The following GLT1D1 variants were observed in gnomAD, a reference collection of about 807,000 sequenced individuals.
GLT1D1 encodes the protein glycosyltransferase 1 domain containing 1.
Under a neutral mutation model 28.7 loss-of-function variants are expected in GLT1D1, and 21 were observed. The observed-to-expected ratio is 0.73, with a 90% CI of 0.52 to 1.05. The LOEUF (loss-of-function observed/expected upper bound fraction) is 1.05. Ranked by LOEUF, GLT1D1 falls within the 50% of genes least tolerant of loss-of-function variation. The pLI is 0.00. For synonymous variants in GLT1D1, 147 were observed against 124.8 expected (o/e 1.18, Z -1.19); for missense variants, 343 against 330.6 (o/e 1.04, Z -0.29).
chr12:128,952,414 G>A (rs1482689782), intron 6 of GLT1D1, among the ~76,000 whole-genome samples: 4 of 133,192 alleles, frequency 3.0e-5, no homozygotes, highest in African/African-American at 1.2e-4. Context: ...AGGTCCCTGG[G>A]CAGGGGTGTA....
intron 4 of GLT1D1, among the ~76,000 whole-genome samples, chr12:128,901,483 C>T (rs1183512649): frequency 6.7e-6 from 1 of 148,974 alleles, no homozygotes; most frequent in Non-Finnish European, 1.5e-5. Context: ...GTCGCCCAGG[C>T]TGGAGTGCAG....
chr12:128,879,378 T>TTTTCTTTCTTTCTTTCTTTCTTTCTCTC, intron 2 of GLT1D1, among the ~76,000 whole-genome samples: 1 of 69,896 alleles, frequency 1.4e-5, no homozygotes, highest in Admixed American at 1.5e-4. Context: ...ATTTTTTTCT[T>TTTTCTTTCTTTCTTTCTTTCTTTCTCTC]TTTCTTTCTT....
rs968998025 is a variant in GLT1D1, at chr12:128,961,474, T to C, written c.639+3831T>C. ...GGTACATATGGCCAGTGGAGTACTA[T>C]TCAGCCATAAAAAAGAAGGAGTCAT... On this transcript the variant is annotated intron_variant, in intron 7 of 7. Coordinates refer to ENST00000281703, the MANE Select transcript of GLT1D1 (RefSeq NM_144669.3). 7.9e-5 allele frequency among the ~76,000 whole-genome samples: 12 copies of C among 152,310 alleles called. 1 individual carries two copies. The highest frequency in any genetic ancestry group is 7.8e-4 in the Admixed American group (12 of 15,294).
Position 128,957,787 on chromosome 12 carries a change from C to A in GLT1D1, c.639+144C>A, listed in dbSNP as rs933868973. On this transcript the variant is annotated intron_variant, in intron 7 of 7. Transcript: ENST00000281703. Reference sequence around the variant, plus strand: ...GAGAGCATGCTGTCTTCTGTTATCACCTGGGCAGCTGCCTGGGTGTACCAC... The same window carrying A: ...GAGAGCATGCTGTCTTCTGTTATCAACTGGGCAGCTGCCTGGGTGTACCAC... 6.8e-5 allele frequency: 40 copies of A among 587,738 alleles called. No homozygotes were observed. The African/African-American group carries it at 7.2e-4, about 11-fold the overall frequency. 36.4% of individuals were successfully genotyped at this position (587,738 alleles called of 1,614,324 possible). A position where few individuals can be genotyped will look rare whatever the true frequency, so the allele number is the denominator to read the frequency against.
chr12:128,934,197 TC>T lies in GLT1D1; in HGVS notation c.376-11128del, dbSNP rs374709430. Among the ~76,000 whole-genome samples the T allele has an allele frequency of 6.2e-3, 483 of 78,088 alleles. 22 individuals carry two copies. The highest frequency in any genetic ancestry group is 0.016 in the Admixed American group (85 of 5,460). 51.2% of individuals were successfully genotyped at this position (78,088 alleles called of 152,430 possible). The stretch of plus-strand genomic sequence containing the variant: ...ACTTACTGTGTCTTCAAAGAGACAG[TC>T]TTTTTTTTTTTTTTTTTTTTTTTTA... On this transcript the variant is annotated intron_variant, in intron 4 of 7. Transcript: ENST00000281703.
chr12:128,881,830 A>G lies in GLT1D1; in HGVS notation c.217+5768A>G, dbSNP rs1378264424. ...TTTTAATTGCGTAACCTATTTTACA[A>G]TATGTTAGAAATAGATGGTCTATAT... On this transcript the variant is annotated intron_variant, in intron 2 of 7. Coordinates refer to ENST00000281703, the MANE Select transcript of GLT1D1 (RefSeq NM_144669.3). Among the ~76,000 whole-genome samples the G allele has an allele frequency of 2.0e-5, 3 of 151,610 alleles. No individual in the cohort carries two copies. The East Asian group carries it at 5.8e-4, about 29-fold the overall frequency.
chr12:128,950,249 C>G (rs1876556371), intron 6 of GLT1D1, among the ~76,000 whole-genome samples: 1 of 152,146 alleles, frequency 6.6e-6, no homozygotes, highest in South Asian at 2.1e-4. Context: ...TCTGAAAGGT[C>G]AAAAGATCAC....
chr12:128,884,717 G>A (rs2135820140), intron 2 of GLT1D1, among the ~76,000 whole-genome samples: 1 of 152,168 alleles, frequency 6.6e-6, no homozygotes, highest in Admixed American at 6.5e-5. Context: ...GGGAGGCTGA[G>A]GCAGGAGCAT....
At chr12:128,863,754 G>C (rs1355956857) in intron 1 of GLT1D1, among the ~76,000 whole-genome samples, 1 of 151,786 alleles carries the variant, frequency 6.6e-6, no homozygotes, top group African/African-American at 2.4e-5. Context: ...GGTTTCACTG[G>C]CTAACGCAGT....
chr12:128,958,286 G>A (rs532262959), intron 7 of GLT1D1, among the ~76,000 whole-genome samples: 53 of 152,246 alleles, frequency 3.5e-4, no homozygotes, highest in Non-Finnish European at 5.6e-4. Context: ...GACCCTGGCC[G>A]AGTCTCCAAG....
In GLT1D1 at chr12:128,965,730, A is replaced by G. The variant is rs964810642; in HGVS notation, c.639+8087A>G. 4.2e-3 allele frequency among the ~76,000 whole-genome samples: 601 copies of G among 144,484 alleles called. 1 individual carries two copies. Among genetic ancestry groups the G allele is most frequent in the Middle Eastern group, 0.014 (4 of 284 alleles). 94.8% of individuals were successfully genotyped at this position (144,484 alleles called of 152,430 possible). On this transcript the variant is annotated intron_variant, in intron 7 of 7. Coordinates refer to ENST00000281703, the MANE Select transcript of GLT1D1 (RefSeq NM_144669.3). ...CTGCTTAAAAAAAAAAAAAAAAAAA[A>G]AAAAAGAAAAAGTAAAAAGCCAGAT...
intron 3 of GLT1D1, among the ~76,000 whole-genome samples, chr12:128,898,031 TTCTA>T (rs1593100501): frequency 6.6e-6 from 1 of 152,172 alleles, no homozygotes; most frequent in African/African-American, 2.4e-5. Flanking sequence ...GTTTTGATCT[TTCTA>T]TCTTTTTTTC....
At chr12:128,875,524 C>T (rs908374320) in intron 1 of GLT1D1, among the ~76,000 whole-genome samples, 8 of 152,282 alleles carry the variant, frequency 5.3e-5, no homozygotes, top group African/African-American at 1.9e-4. Context: ...TAGCTGAGCA[C>T]AGTGGCTCAT....
At chr12:128,881,679 T>A (rs1490900612) in intron 2 of GLT1D1, among the ~76,000 whole-genome samples, 2 of 144,694 alleles carry the variant, frequency 1.4e-5, no homozygotes, top group East Asian at 3.9e-4. Flanking sequence ...AAAATATATA[T>A]TTTTTATGGA....
intron 3 of GLT1D1, 27 bp downstream of exon 3, chr12:128,888,771 G>A: frequency 7.3e-7 from 1 of 1,374,168 alleles, no homozygotes; most frequent in Non-Finnish European, 1.0e-6. Flanking sequence ...TTTCATCCAT[G>A]CCAAACATTT....
chr12:128,972,434 A>G (rs1879274842), intron 7 of GLT1D1, among the ~76,000 whole-genome samples: 1 of 152,184 alleles, frequency 6.6e-6, no homozygotes. Context: ...ACCCAGTTAC[A>G]TCACACCTGC....
intron 4 of GLT1D1, among the ~76,000 whole-genome samples, chr12:128,903,512 A>T (rs1566118122): frequency 6.6e-6 from 1 of 151,576 alleles, no homozygotes; most frequent in East Asian, 1.9e-4. Flanking sequence ...TGGCCTCTGT[A>T]ACCATCTGCC....
At chr12:128,914,058 G>C (rs182872239) in intron 4 of GLT1D1, among the ~76,000 whole-genome samples, 2 of 152,256 alleles carry the variant, frequency 1.3e-5, no homozygotes, top group East Asian at 3.9e-4. Context: ...TAGATGACTT[G>C]ATTTACTTAC....
intron 4 of GLT1D1, among the ~76,000 whole-genome samples, chr12:128,931,014 T>TA (rs371650413): frequency 4.1e-5 from 6 of 147,364 alleles, no homozygotes; most frequent in African/African-American, 1.5e-4. Context: ...TTTTTTTTTT[T>TA]AAAATGAGAC....
Sources: allele counts gnomAD v4.1 joint callset (sites outside exome capture counted in the v4.1 genomes callset), GRCh38; gene constraint gnomAD v4.1.1; transcripts MANE v1.5; gene names NCBI Gene and HGNC (gene_info 2026-07-23, HGNC 2026-07-21).